Variants in RBFOX3 observed in about 807,000 individuals in gnomAD.
RBFOX3 encodes RNA binding protein fox-1 homolog 3.
RBFOX3 carries 17 observed loss-of-function variants against 48.7 expected under a neutral mutation model. The observed-to-expected ratio is 0.35, with a 90% confidence interval of 0.24 to 0.52. RBFOX3 has a LOEUF of 0.52. Among genes scored for constraint, RBFOX3 ranks in the 20% least tolerant of loss-of-function variants. The pLI, the probability that RBFOX3 is intolerant of heterozygous loss-of-function variation, is 0.94. For synonymous variants in RBFOX3, 212 were observed against 209.5 expected (o/e 1.01, Z -0.10); for missense variants, 382 against 497.5 (o/e 0.77, Z 2.21).
chr17:79,251,315 G>A (rs1292528188), intron 3 of RBFOX3, among the ~76,000 whole-genome samples: 1 of 152,162 alleles, frequency 6.6e-6, no homozygotes, highest in African/African-American at 2.4e-5. Context: ...CACTCAACGT[G>A]TGGGACAGAG....
intron 8 of RBFOX3, among the ~76,000 whole-genome samples, chr17:79,102,611 G>A (rs1437094793): frequency 6.6e-6 from 1 of 152,220 alleles, no homozygotes; most frequent in African/African-American, 2.4e-5. Flanking sequence ...GTGTCAGGGA[G>A]GGACCCAGGG....
chr17:79,458,737 G>T (rs1457140579), intron 2 of RBFOX3, among the ~76,000 whole-genome samples: 1 of 152,148 alleles, frequency 6.6e-6, no homozygotes, highest in African/African-American at 2.4e-5. Flanking sequence ...ATTTCCTGGT[G>T]TCCGGGGACT....
At position 79,535,775 on chromosome 17, in the gene RBFOX3, G is replaced by T. The variant is rs1555788579; in HGVS notation, c.-319-53177C>A. ...AGCACTGAGCCGTCTGCATTTGCTA[G>T]GGCCACCAGCTGCCACTTACTCCAA... On this transcript the variant is annotated intron_variant, in intron 1 of 14. Coordinates refer to ENST00000693108, the MANE Select transcript of RBFOX3 (RefSeq NM_001350451.2). The surrounding 1 kb of genome is among the most constrained non-coding windows in gnomAD (Gnocchi z 4.5). Among the ~76,000 whole-genome samples the T allele has an allele frequency of 1.3e-5, 2 of 152,174 alleles. No individual in the cohort carries two copies.
rs79622504 is a variant in RBFOX3, at chr17:79,259,113, C to G, written c.-73-23308G>C. 4.7e-4 allele frequency among the ~76,000 whole-genome samples: 71 copies of G among 152,350 alleles called. 1 individual carries two copies. Among genetic ancestry groups the G allele is most frequent in the African/African-American group, 1.7e-3 (71 of 41,588 alleles). On this transcript the variant is annotated intron_variant, in intron 3 of 14. Coordinates refer to ENST00000693108, the MANE Select transcript of RBFOX3 (RefSeq NM_001350451.2). ...AATTCTGCCCTTCAGGCTAAACTGTCTGTAGGGATGACGACAGCAGAGCAC... is the reference window on the plus strand; with the variant it reads ...AATTCTGCCCTTCAGGCTAAACTGTGTGTAGGGATGACGACAGCAGAGCAC...
At chr17:79,297,108 G>T (rs981071578) in intron 3 of RBFOX3, among the ~76,000 whole-genome samples, 1 of 151,780 alleles carries the variant, frequency 6.6e-6, no homozygotes, top group African/African-American at 2.4e-5. Flanking sequence ...GATGCCCAAG[G>T]CCCACTACCT....
upstream of RBFOX3, among the ~76,000 whole-genome samples, chr17:79,611,493 T>A (rs1389485966): frequency 2.6e-5 from 4 of 151,780 alleles, no homozygotes; most frequent in African/African-American, 9.7e-5. Context: ...CCTGGTCCCT[T>A]CAAGGGCAGC....
chr17:79,545,100 G>A (rs898076844), intron 1 of RBFOX3, among the ~76,000 whole-genome samples: 1 of 152,068 alleles, frequency 6.6e-6, no homozygotes, highest in Admixed American at 6.6e-5. Flanking sequence ...GGGGGCAGAC[G>A]GGGCCGCTCT....
chr17:79,314,530 C>T (rs1012054159), intron 2 of RBFOX3, among the ~76,000 whole-genome samples: 6 of 152,186 alleles, frequency 3.9e-5, no homozygotes, highest in Admixed American at 6.5e-5. Context: ...GACTCTCACT[C>T]GGCATTCTCT....
At chr17:79,499,059 C>T (rs1454609027) in intron 1 of RBFOX3, among the ~76,000 whole-genome samples, 3 of 151,374 alleles carry the variant, frequency 2.0e-5, no homozygotes, top group African/African-American at 7.3e-5. Context: ...CATCCATCCA[C>T]ATTCCTACCC....
intron 1 of RBFOX3, among the ~76,000 whole-genome samples, chr17:79,529,867 C>A (rs1338783741): frequency 6.6e-6 from 1 of 152,240 alleles, no homozygotes; most frequent in Non-Finnish European, 1.5e-5. Flanking sequence ...ACCACCTGTG[C>A]TTGTGAACAA....
intron 2 of RBFOX3, among the ~76,000 whole-genome samples, chr17:79,425,119 C>G (rs996948766): frequency 5.3e-5 from 8 of 152,184 alleles, no homozygotes; most frequent in Non-Finnish European, 1.2e-4. Context: ...CTCACCTCCT[C>G]TTGCTACACT....
chr17:79,339,068 T>C (rs534621838), intron 2 of RBFOX3, among the ~76,000 whole-genome samples: 3 of 152,186 alleles, frequency 2.0e-5, no homozygotes, highest in South Asian at 2.1e-4. Flanking sequence ...CTTTTCTTTT[T>C]TTTTTTTAGA....
chr17:79,185,134 C>A (rs1012955075), intron 4 of RBFOX3, among the ~76,000 whole-genome samples: 2 of 152,072 alleles, frequency 1.3e-5, no homozygotes, highest in African/African-American at 4.8e-5. Flanking sequence ...ATGTGGAGTC[C>A]GGGAGGGAGG....
At chr17:79,175,686 C>T (rs912560082) in intron 4 of RBFOX3, among the ~76,000 whole-genome samples, 28 of 152,370 alleles carry the variant, frequency 1.8e-4, no homozygotes, top group Admixed American at 1.6e-3. Flanking sequence ...TGACTCACCA[C>T]AGCTCAGAAG....
intron 1 of RBFOX3, among the ~76,000 whole-genome samples, chr17:79,487,637 G>T (rs908907916): frequency 3.9e-5 from 6 of 152,106 alleles, no homozygotes; most frequent in African/African-American, 1.4e-4. Context: ...GCATGGAGCT[G>T]GGTAATGTTT....
At chr17:79,329,039 C>G (rs2079789190) in intron 2 of RBFOX3, among the ~76,000 whole-genome samples, 1 of 152,098 alleles carries the variant, frequency 6.6e-6, no homozygotes, top group South Asian at 2.1e-4. Context: ...AGAAAGGACC[C>G]ACGTGGCCAG....
At chr17:79,321,705 CT>C (rs55633027) in intron 2 of RBFOX3, among the ~76,000 whole-genome samples, 17 of 134,092 alleles carry the variant, frequency 1.3e-4, no homozygotes, top group African/African-American at 2.5e-4. Context: ...AGGAATCTGG[CT>C]TTTTTTTTTT....
At chr17:79,532,204 G>GC (rs2087902598) in intron 1 of RBFOX3, among the ~76,000 whole-genome samples, 1 of 152,128 alleles carries the variant, frequency 6.6e-6, no homozygotes, top group Non-Finnish European at 1.5e-5. Flanking sequence ...ACTGGAGGGG[G>GC]GAGGGGAGGA....
intron 3 of RBFOX3, among the ~76,000 whole-genome samples, chr17:79,288,485 C>T (rs902158563): frequency 9.2e-5 from 14 of 152,210 alleles, no homozygotes; most frequent in East Asian, 1.9e-4. Context: ...CAGCCCCCCC[C>T]AGCCCGGCTT....
Sources: allele counts gnomAD v4.1 joint callset (sites outside exome capture counted in the v4.1 genomes callset), GRCh38; gene constraint gnomAD v4.1.1; non-coding constraint Gnocchi (gnomAD v3.1); transcripts MANE v1.5; gene names NCBI Gene and HGNC (gene_info 2026-07-23, HGNC 2026-07-21).